Variants in GARRE1 observed in about 807,000 individuals in gnomAD.
The protein encoded by GARRE1 is granule associated Rac and RHOG effector protein 1.
Under a neutral mutation model 103.2 loss-of-function variants are expected in GARRE1, and 49 were observed. That is an observed-to-expected ratio of 0.47 (90% CI 0.38 to 0.60). The LOEUF (loss-of-function observed/expected upper bound fraction) is 0.60, where lower values mean the gene tolerates loss of function less well. GARRE1 is among the 20% of genes least tolerant of loss of function. GARRE1 has a pLI of 0.00. For synonymous variants in GARRE1, 505 were observed against 532.8 expected (o/e 0.95, Z 0.72); for missense variants, 1,199 against 1,370.5 (o/e 0.87, Z 1.98).
chr19:34,335,660 G>C (rs1029976340), intron 8 of GARRE1, among the ~76,000 whole-genome samples: 8 of 152,164 alleles, frequency 5.3e-5, no homozygotes, highest in Non-Finnish European at 1.0e-4. Flanking sequence ...TGGGTAGCTG[G>C]GATTACAGGC....
chr19:34,315,754 A>T (rs1056809967), intron 2 of GARRE1, among the ~76,000 whole-genome samples: 1 of 151,092 alleles, frequency 6.6e-6, no homozygotes, highest in Non-Finnish European at 1.5e-5. Context: ...TGGTGCTCCA[A>T]ATGGGAAGGC....
intron 1 of GARRE1, among the ~76,000 whole-genome samples, chr19:34,280,123 A>G (rs1412506672): frequency 6.6e-6 from 1 of 152,190 alleles, no homozygotes; most frequent in Non-Finnish European, 1.5e-5. Context: ...GGCAGGAGCC[A>G]GGACCGAGAG....
intron 1 of GARRE1, among the ~76,000 whole-genome samples, chr19:34,295,858 G>T (rs2073944125): frequency 6.6e-6 from 1 of 151,980 alleles, no homozygotes; most frequent in South Asian, 2.1e-4. Context: ...GTGAGGTCGG[G>T]GTCCAGATTC....
intron 1 of GARRE1, 29 bp downstream of exon 1, chr19:34,254,643 G>C (rs2073658384): frequency 6.8e-6 from 1 of 147,434 alleles, no homozygotes; most frequent in Non-Finnish European, 1.5e-5. Flanking sequence ...GGGCGCAGGC[G>C]GGGGCTGGCG....
At chr19:34,281,582 C>T (rs1210711561) in intron 1 of GARRE1, among the ~76,000 whole-genome samples, 12 of 152,138 alleles carry the variant, frequency 7.9e-5, no homozygotes, top group Admixed American at 7.9e-4. Flanking sequence ...AGCCACTGCA[C>T]CTGGCCAATT....
In GARRE1 at chr19:34,342,155, A is replaced by G; in HGVS notation, c.2221A>G (p.Ile741Val). 4 of 1,614,088 alleles carry G rather than the reference A, an allele frequency of 2.5e-6. No individual in the cohort carries two copies. Among genetic ancestry groups the G allele is most frequent in the Non-Finnish European group, 3.4e-6 (4 of 1,180,012 alleles). The change falls in exon 10 of 14, where the codon ATT becomes GTT. Residue 741 changes from isoleucine to valine, a missense_variant. By Grantham distance (29) the Ile-to-Val change is conservative. Coordinates refer to ENST00000299505, the MANE Select transcript of GARRE1 (RefSeq NM_014686.5). ...VQYYQHLLQP[I>V]GPQQPPPQPR... ...ATACTACCAACACCTACTCCAGCCC[A>G]TTGGACCGCAGCAGCCCCCGCCCCA... is the stretch of plus-strand genomic sequence containing the variant.
intron 1 of GARRE1, among the ~76,000 whole-genome samples, chr19:34,289,677 TC>T (rs1321779518): frequency 6.6e-6 from 1 of 150,868 alleles, no homozygotes; most frequent in African/African-American, 2.4e-5. Flanking sequence ...TGCGCCAAGA[TC>T]ATGCCACTGC....
chr19:34,274,448 G>C (rs1400371508), intron 1 of GARRE1, among the ~76,000 whole-genome samples: 1 of 152,170 alleles, frequency 6.6e-6, no homozygotes, highest in Admixed American at 6.5e-5. Flanking sequence ...TGGATGTGAA[G>C]GAGAGTGAAG....
At chr19:34,297,618 C>G (rs1209517403) in intron 1 of GARRE1, among the ~76,000 whole-genome samples, 1 of 152,150 alleles carries the variant, frequency 6.6e-6, no homozygotes, top group Non-Finnish European at 1.5e-5. Flanking sequence ...GAAGGTTTTC[C>G]TTCAGAGGCC....
rs762288740 is a variant in GARRE1 at position 34,341,881 on chromosome 19, G to C, written c.1947G>C (p.Val649=). Residue 649 remains valine (V), a synonymous_variant, in exon 10 of 14, where the codon GTG becomes GTC. Coordinates refer to ENST00000299505, the MANE Select transcript of GARRE1 (RefSeq NM_014686.5). ...NLPTDQEMQE[V]IDFLSGFNMG... ...CAACTGATCAGGAAATGCAAGAGGT[G>C]ATAGATTTTCTCTCGGGCTTTAACA... 6.2e-7 allele frequency: 1 copy of C among 1,614,194 alleles called. No individual in the cohort carries two copies. Among genetic ancestry groups the C allele is most frequent in the South Asian group, 1.1e-5 (1 of 91,078 alleles).
chr19:34,282,861 A>ATGT (rs1359511629), intron 1 of GARRE1, among the ~76,000 whole-genome samples: 1 of 152,190 alleles, frequency 6.6e-6, no homozygotes, highest in African/African-American at 2.4e-5. Context: ...TTGGCCCTGC[A>ATGT]TGTTGTAAAA....
At chr19:34,313,768 A>G (rs921477) in intron 2 of GARRE1, among the ~76,000 whole-genome samples, 245 of 152,200 alleles carry the variant, frequency 1.6e-3, no homozygotes, top group African/African-American at 5.4e-3. Flanking sequence ...TCTGCCCACA[A>G]TGTAAACTTG....
At chr19:34,297,558 TAG>T (rs2073953962) in intron 1 of GARRE1, among the ~76,000 whole-genome samples, 1 of 152,100 alleles carries the variant, frequency 6.6e-6, no homozygotes, top group African/African-American at 2.4e-5. Flanking sequence ...TGAACAAAGA[TAG>T]AGTGTTTCTC....
intron 2 of GARRE1, among the ~76,000 whole-genome samples, chr19:34,308,746 G>C (rs1440157342): frequency 6.6e-6 from 1 of 152,192 alleles, no homozygotes; most frequent in Non-Finnish European, 1.5e-5. Flanking sequence ...ATTAAAAGGA[G>C]AAAAGTAAGG....
At chr19:34,340,416 A>G (rs895665517) in intron 9 of GARRE1, among the ~76,000 whole-genome samples, 20 of 140,798 alleles carry the variant, frequency 1.4e-4, no homozygotes, top group African/African-American at 4.2e-4. Context: ...GGCCTTAAAC[A>G]TCTAGCCATG....
rs1205742477 is a variant in GARRE1 at position 34,300,671 on chromosome 19, C to A, written c.198C>A (p.Ala66=). Residue 66 remains alanine (A), a synonymous_variant, in exon 2 of 14, where the codon GCC becomes GCA. Coordinates refer to ENST00000299505, the MANE Select transcript of GARRE1 (RefSeq NM_014686.5). ...CCGCTGCAGGCAGCTGCCACCATGC[C>A]ATGCCCCACACTACTCCTATCGCCG... ...SLTAAGSCHH[A]MPHTTPIADI... is the part of the protein sequence containing the mutation. The A allele has an allele frequency of 6.2e-7, 1 of 1,614,086 alleles. No individual in the cohort carries two copies. Among genetic ancestry groups the A allele is most frequent in the Admixed American group, 1.7e-5 (1 of 60,034 alleles).
At chr19:34,286,553 C>T (rs1390831642) in intron 1 of GARRE1, among the ~76,000 whole-genome samples, 2 of 129,850 alleles carry the variant, frequency 1.5e-5, no homozygotes, top group African/African-American at 3.0e-5. Flanking sequence ...TTTTTTGAGA[C>T]GGAGTCTGGC....
chr19:34,326,098 G>A (rs920402108), intron 3 of GARRE1, among the ~76,000 whole-genome samples: 1 of 152,360 alleles, frequency 6.6e-6, no homozygotes, highest in Non-Finnish European at 1.5e-5. Flanking sequence ...GCTTCAGCAC[G>A]TACCTAACAT....
intron 3 of GARRE1, among the ~76,000 whole-genome samples, chr19:34,322,266 G>A (rs900438534): frequency 6.6e-6 from 1 of 152,112 alleles, no homozygotes; most frequent in African/African-American, 2.4e-5. Context: ...CTGCCTCCCA[G>A]ATTCAAGCCA....
Sources: gnomAD v4.1 joint callset for allele counts (sites outside exome capture counted in the v4.1 genomes callset) on GRCh38, gnomAD v4.1.1 for gene constraint, MANE v1.5 for transcripts, NCBI Gene and HGNC (gene_info 2026-07-23, HGNC 2026-07-21) for gene names.